PPHLN1: variants seen among roughly 807,000 people sequenced by gnomAD.
PPHLN1 encodes the protein periphilin-1.
PPHLN1 carries 29 observed loss-of-function variants against 51.3 expected under a neutral mutation model. The ratio of observed to expected loss-of-function variants is 0.57; its 90% CI spans 0.42 to 0.77. The LOEUF (loss-of-function observed/expected upper bound fraction) is 0.77, where lower values mean the gene tolerates loss of function less well. Among genes scored for constraint, PPHLN1 ranks in the 30% least tolerant of loss-of-function variants. The pLI is 0.00. For synonymous variants in PPHLN1, 147 were observed against 147.8 expected (o/e 0.99, Z 0.04); for missense variants, 436 against 438.4 (o/e 0.99, Z 0.05).
chr12:42,420,323 C>CT (rs35538932), intron 9 of PPHLN1, among the ~76,000 whole-genome samples: 45,327 of 149,548 alleles, frequency 0.3, 7,643 homozygotes, highest in Non-Finnish European at 0.38. Flanking sequence ...TGTGTGTATA[C>CT]TTTTTTTTTT....
intron 5 of PPHLN1, among the ~76,000 whole-genome samples, chr12:42,377,301 C>CTTTTTTTTT (rs11297368): frequency 1.9e-5 from 2 of 105,000 alleles, no homozygotes; most frequent in South Asian, 3.2e-4. Context: ...TTTTTTCTTT[C>CTTTTTTTTT]TTTTTTTTTT....
intron 5 of PPHLN1, 63 bp from the exon 6 acceptor site, chr12:42,384,877 T>G: frequency 6.8e-7 from 1 of 1,478,198 alleles, no homozygotes; most frequent in East Asian, 2.3e-5. Flanking sequence ...TCTGAGTTCT[T>G]CTCTTGTTCC....
At chr12:42,355,043 C>T in intron 3 of PPHLN1, 118 bp from the exon 4 acceptor site, 2 of 852,288 alleles carry the variant, frequency 2.3e-6, no homozygotes, top group Non-Finnish European at 1.9e-6. Flanking sequence ...ATGTTTTTCC[C>T]TTTTTATGCC....
intron 9 of PPHLN1, among the ~76,000 whole-genome samples, chr12:42,422,514 A>G (rs571628889): frequency 6.6e-6 from 1 of 152,370 alleles, no homozygotes; most frequent in Non-Finnish European, 1.5e-5. Flanking sequence ...TCAAATGTTC[A>G]GCACTGCTAA....
At chr12:42,444,614 A>G (rs2083195046), downstream of PPHLN1, 1 of 160,880 alleles carries the variant, frequency 6.2e-6, no homozygotes, top group Admixed American at 6.2e-5. Flanking sequence ...TCATCTATAC[A>G]GACAGCGGAT....
intron 9 of PPHLN1, among the ~76,000 whole-genome samples, chr12:42,427,241 T>A (rs2081582244): frequency 6.6e-6 from 1 of 152,238 alleles, no homozygotes; most frequent in South Asian, 2.1e-4. Context: ...TTTCTTTGGA[T>A]AATTCTCAAA....
At chr12:42,403,168 T>TAACC (rs2078989907) in intron 9 of PPHLN1, among the ~76,000 whole-genome samples, 1 of 152,194 alleles carries the variant, frequency 6.6e-6, no homozygotes, top group Non-Finnish European at 1.5e-5. Flanking sequence ...ACATTCTTTG[T>TAACC]TTTTCCTTTT....
downstream of PPHLN1, chr12:42,444,858 T>C (rs12426635): frequency 0.027 from 15,898 of 581,870 alleles, 310 homozygotes; most frequent in Non-Finnish European, 0.034. Context: ...TGTAATGCTT[T>C]TTACCGATGG....
intron 5 of PPHLN1, among the ~76,000 whole-genome samples, chr12:42,376,548 A>G (rs2076280204): frequency 6.6e-6 from 1 of 152,180 alleles, no homozygotes; most frequent in East Asian, 1.9e-4. Context: ...GCACTTTGGG[A>G]AGCCAAGGTG....
intron 9 of PPHLN1, among the ~76,000 whole-genome samples, chr12:42,408,632 A>G (rs1395305577): frequency 6.6e-6 from 1 of 152,142 alleles, no homozygotes; most frequent in East Asian, 1.9e-4. Flanking sequence ...AAGTCACTTA[A>G]CTTTTCTGAG....
chr12:42,371,123 T>G (rs1053560074), intron 4 of PPHLN1, among the ~76,000 whole-genome samples: 3 of 137,602 alleles, frequency 2.2e-5, no homozygotes, highest in East Asian at 2.1e-4. Flanking sequence ...TTTTTTTTTT[T>G]TTTTTTTTTT....
At chr12:42,420,704 C>CCTCTCT (rs200397432) in intron 9 of PPHLN1, among the ~76,000 whole-genome samples, 3 of 110,332 alleles carry the variant, frequency 2.7e-5, no homozygotes, top group Admixed American at 1.0e-4. Flanking sequence ...CCCCTCCCTC[C>CCTCTCT]CTCTCTCTCT....
At chr12:42,399,100 C>G (rs1168607542) in intron 9 of PPHLN1, 106 bp downstream of exon 9, 1 of 1,485,612 alleles carries the variant, frequency 6.7e-7, no homozygotes, top group Non-Finnish European at 8.9e-7. Flanking sequence ...ACCTGTAACT[C>G]TAAAACTACA....
intron 4 of PPHLN1, among the ~76,000 whole-genome samples, chr12:42,364,143 G>A (rs2075011566): frequency 6.6e-6 from 1 of 152,182 alleles, no homozygotes; most frequent in Admixed American, 6.5e-5. Context: ...AGAATTGCTT[G>A]AACCTGGGAA....
chr12:42,343,635 A>G (rs901395666), intron 2 of PPHLN1, among the ~76,000 whole-genome samples: 7 of 152,186 alleles, frequency 4.6e-5, no homozygotes, highest in Non-Finnish European at 1.0e-4. Context: ...AATGTAAAAA[A>G]AGTGTTTCTT....
chr12:42,403,162 T>TAAC (rs2078988748), intron 9 of PPHLN1, among the ~76,000 whole-genome samples: 1 of 152,180 alleles, frequency 6.6e-6, no homozygotes, highest in Non-Finnish European at 1.5e-5. Context: ...ATAGAAACAT[T>TAAC]CTTTGTTTTT....
At chr12:42,445,249 C>T, downstream of PPHLN1, 1 of 606,198 alleles carries the variant, frequency 1.6e-6, no homozygotes, top group Non-Finnish European at 2.9e-6. Context: ...AACCAAGCCA[C>T]CCAATCACAT....
intron 8 of PPHLN1, among the ~76,000 whole-genome samples, chr12:42,396,739 G>T (rs1474613020): frequency 6.6e-6 from 1 of 150,404 alleles, no homozygotes; most frequent in Non-Finnish European, 1.5e-5. Flanking sequence ...GCAGTGAGCT[G>T]TGATCACACC....
intron 4 of PPHLN1, among the ~76,000 whole-genome samples, chr12:42,368,532 G>A (rs2075497546): frequency 6.6e-6 from 1 of 152,122 alleles, no homozygotes; most frequent in Admixed American, 6.6e-5. Context: ...TTATAATAAG[G>A]TCAAAAGGCC....
Sources: allele counts gnomAD v4.1 joint callset (sites outside exome capture counted in the v4.1 genomes callset), GRCh38; gene constraint gnomAD v4.1.1; transcripts MANE v1.5; gene names NCBI Gene and HGNC (gene_info 2026-07-23, HGNC 2026-07-21).